Variants in NUP188 observed in about 807,000 individuals in gnomAD.
NUP188 encodes the protein nucleoporin 188.
A neutral mutation model predicts 223.0 loss-of-function variants in NUP188; 97 were observed. The observed-to-expected ratio is 0.43, with a 90% CI of 0.37 to 0.51. NUP188 has a LOEUF of 0.51. Among genes scored for constraint, NUP188 ranks in the 20% least tolerant of loss-of-function variants. The probability of loss-of-function intolerance (pLI) is 0.00; values close to 1 mark genes in which losing one functional copy is unlikely to be tolerated. For synonymous variants in NUP188, 869 were observed against 828.0 expected (o/e 1.05, Z -0.85); for missense variants, 1,947 against 2,175.6 (o/e 0.89, Z 2.09).
At chr9:128,992,388 T>G (rs532698271) in intron 25 of NUP188, among the ~76,000 whole-genome samples, 15 of 152,210 alleles carry the variant, frequency 9.9e-5, no homozygotes, top group Non-Finnish European at 1.9e-4. Flanking sequence ...AGGGACGAAG[T>G]TTTGCCATGT....
intron 11 of NUP188, among the ~76,000 whole-genome samples, chr9:128,972,764 ATTTAAAAGG>A (rs940494225): frequency 3.3e-5 from 5 of 152,058 alleles, no homozygotes; most frequent in Non-Finnish European, 7.4e-5. Flanking sequence ...AACAAAGCCT[ATTTAAAAGG>A]AAGAAAACTC....
At chr9:129,001,461 C>T (rs770969613) in intron 34 of NUP188, 68 bp from the exon 35 acceptor site, 140 of 1,510,770 alleles carry the variant, frequency 9.3e-5, no homozygotes, top group African/African-American at 3.3e-4. Context: ...CCAGGCCCAC[C>T]GCTGCCTGTC....
intron 29 of NUP188, 179 bp downstream of exon 29, chr9:128,995,102 A>G (rs1050813076): frequency 9.4e-6 from 6 of 638,922 alleles, no homozygotes; most frequent in African/African-American, 7.3e-5. Context: ...TATGATTGTC[A>G]GAAAGAGTTA....
intron 38 of NUP188, chr9:129,004,004 C>A: frequency 5.0e-6 from 1 of 200,796 alleles, no homozygotes; most frequent in Non-Finnish European, 9.5e-6. Flanking sequence ...TGGCCGGGTG[C>A]AATAGGCTCA....
chr9:128,994,252 A>C, intron 27 of NUP188, 121 bp from the exon 28 acceptor site: 1 of 708,272 alleles, frequency 1.4e-6, no homozygotes, highest in Non-Finnish European at 2.6e-6. Flanking sequence ...CTGACTTATC[A>C]GACACATATT....
chr9:128,952,722 C>G, intron 2 of NUP188, 51 bp from the exon 3 acceptor site: 6 of 1,321,046 alleles, frequency 4.5e-6, no homozygotes, highest in Non-Finnish European at 6.3e-6. Context: ...GACTCTGTCT[C>G]AAAAAAAAAA....
chr9:129,005,094 G>C, intron 38 of NUP188, 53 bp from the exon 39 acceptor site: 1 of 1,433,028 alleles, frequency 7.0e-7, no homozygotes, highest in Non-Finnish European at 9.8e-7. Flanking sequence ...GTCTGGTTGG[G>C]TGACTGGGCT....
intron 22 of NUP188, among the ~76,000 whole-genome samples, chr9:128,987,293 T>C (rs571149977): frequency 6.6e-6 from 1 of 152,326 alleles, no homozygotes; most frequent in South Asian, 2.1e-4. Flanking sequence ...CTTTCCATGC[T>C]ACTGCTTATA....
chr9:128,964,178 A>G (rs546768421), intron 8 of NUP188: 1 of 270,028 alleles, frequency 3.7e-6, no homozygotes, highest in Admixed American at 5.5e-5. Flanking sequence ...TCACGTGCTT[A>G]TTTACTTACA....
intron 12 of NUP188, among the ~76,000 whole-genome samples, chr9:128,977,260 C>T (rs1424345748): frequency 6.6e-6 from 1 of 151,678 alleles, no homozygotes; most frequent in African/African-American, 2.4e-5. Context: ...GCAGGGACTA[C>T]AGGCGCCCGC....
chr9:128,961,582 C>T (rs1021149527), intron 8 of NUP188, among the ~76,000 whole-genome samples: 2 of 129,264 alleles, frequency 1.5e-5, no homozygotes, highest in African/African-American at 8.5e-5. Context: ...CTATATCTAT[C>T]TATCTATCTA....
In NUP188 at chr9:129,003,387, T is replaced by C. The variant is rs1410952391; in HGVS notation, c.4367T>C (p.Ile1456Thr). ...GAGGCGGACCACACCGTGGGTTTTA[T>C]TCTGCAGCTCTCTAACTTCATGAAG... The part of the protein sequence containing the change: ...LEEADHTVGF[I>T]LQLSNFMKEW... The change falls in exon 38 of 44, where the codon ATT (isoleucine) becomes ACT (threonine). Residue 1456 changes from isoleucine (I) to threonine (T), a missense_variant. Coordinates refer to ENST00000372577, the MANE Select transcript of NUP188 (RefSeq NM_015354.3). 36 of 1,613,542 alleles carry C rather than the reference T, an allele frequency of 2.2e-5. No homozygotes were observed. The highest frequency in any genetic ancestry group is 3.0e-5 in the Non-Finnish European group (35 of 1,180,000).
At chr9:128,971,006 G>A (rs1842098236) in intron 11 of NUP188, 48 bp downstream of exon 11, 5 of 1,410,764 alleles carry the variant, frequency 3.5e-6, no homozygotes, top group African/African-American at 2.8e-5. Flanking sequence ...GCCGGCAGAA[G>A]CATTATAATA....
Position 128,998,618 on chromosome 9 carries a change from G to C in NUP188, c.3510G>C (p.Trp1170Cys), listed in dbSNP as rs1338580341. The change falls in exon 32 of 44, where the codon TGG (tryptophan) becomes TGC (cysteine). Residue 1170 changes from tryptophan (W) to cysteine (C), a missense_variant. Physicochemically the swap from Trp to Cys is radical, Grantham distance 215. Around this residue, in one of 3 missense-constraint regions of NUP188, gnomAD observed 905 missense variants for 990.6 expected, o/e 0.91. Transcript: ENST00000372577. Reference protein sequence around the residue: ...CTLLLILLRQWKRELGSVDEI... With the variant: ...CTLLLILLRQCKRELGSVDEI... ...TGCTGCTTATCCTCCTCCGGCAGTG[G>C]AAGAGGTGAGGCTGTGCCAGGAGAG... 4 of 1,613,772 alleles carry C rather than the reference G, an allele frequency of 2.5e-6. No homozygotes were observed. The highest frequency in any genetic ancestry group is 1.7e-5 in the Admixed American group (1 of 60,024).
chr9:128,970,278 A>G (rs973279175), intron 10 of NUP188, among the ~76,000 whole-genome samples: 5 of 152,180 alleles, frequency 3.3e-5, no homozygotes, highest in Non-Finnish European at 7.3e-5. Context: ...CAGGTTCGTC[A>G]GTCATCTATA....
At chr9:128,966,563 C>T (rs1263488519) in intron 8 of NUP188, among the ~76,000 whole-genome samples, 3 of 152,068 alleles carry the variant, frequency 2.0e-5, no homozygotes, top group Admixed American at 1.3e-4. Flanking sequence ...GTCTTGGACT[C>T]CCGGGCTGAA....
At chr9:128,995,739 T>A (rs1031238374) in intron 30 of NUP188, among the ~76,000 whole-genome samples, 4 of 152,164 alleles carry the variant, frequency 2.6e-5, no homozygotes, top group Non-Finnish European at 5.9e-5. Context: ...TGAAATCCTT[T>A]CAGAGTTCCT....
At chr9:128,974,331 G>T (rs1177872091) in intron 12 of NUP188, among the ~76,000 whole-genome samples, 2 of 149,726 alleles carry the variant, frequency 1.3e-5, no homozygotes, top group African/African-American at 2.5e-5. Context: ...TTTTTACTCT[G>T]TAGTACATCT....
At chr9:128,976,948 C>T (rs973482536) in intron 12 of NUP188, among the ~76,000 whole-genome samples, 4 of 151,682 alleles carry the variant, frequency 2.6e-5, no homozygotes, top group Admixed American at 6.6e-5. Context: ...TGTGGTGGCG[C>T]GCACGTGTAG....
Sources: gnomAD v4.1 joint callset for allele counts (sites outside exome capture counted in the v4.1 genomes callset) on GRCh38, gnomAD v4.1.1 for gene constraint, gnomAD v4.1.1 regional missense constraint, MANE v1.5 for transcripts, NCBI Gene and HGNC (gene_info 2026-07-23, HGNC 2026-07-21) for gene names.